Variants in DVL3 observed in about 807,000 individuals in gnomAD.
DVL3 encodes the protein dishevelled segment polarity protein 3.
DVL3 carries 27 observed loss-of-function variants against 67.4 expected under a neutral mutation model. That is an observed-to-expected ratio of 0.40 (90% confidence interval 0.30 to 0.55). The LOEUF is 0.55. Ranked by LOEUF, DVL3 falls within the 20% of genes least tolerant of loss-of-function variation. The probability of loss-of-function intolerance (pLI) is 0.46; values close to 1 mark genes in which losing one functional copy is unlikely to be tolerated. For synonymous variants in DVL3, 369 were observed against 396.8 expected (o/e 0.93, Z 0.83); for missense variants, 819 against 1,021.5 (o/e 0.80, Z 2.70).
Position 184,170,654 on chromosome 3 carries a change from G to A in DVL3, c.2050G>A (p.Gly684Ser), listed in dbSNP as rs923122337. ...CATGGGGCCCCCAGGAGCCCCTCCG[G>A]GCCGCGACCTGGCCTCAGTGCCCCC... ...AAMGPPGAPPGRDLASVPPEL... is the reference protein window; with the variant it reads ...AAMGPPGAPPSRDLASVPPEL... Residue 684 changes from glycine to serine, a missense_variant, in exon 15 of 15, where the codon GGC (glycine) becomes AGC (serine). Physicochemically the swap from Gly to Ser is moderately conservative, Grantham distance 56. Transcript: ENST00000313143. The surrounding 1 kb of genome is among the most constrained non-coding windows in gnomAD (Gnocchi z 6.5). 3 of 1,612,086 alleles carry A rather than the reference G, an allele frequency of 1.9e-6. No individual in the cohort carries two copies. In the South Asian group the frequency reaches 3.3e-5, roughly 18 times the overall value.
In DVL3 at chr3:184,168,883, C is replaced by A. The variant is rs937693002; in HGVS notation, c.1498+818C>A. Among the ~76,000 whole-genome samples, 4 of 152,222 alleles carry A rather than the reference C, an allele frequency of 2.6e-5. No homozygotes were observed. In the East Asian group the frequency reaches 7.7e-4, roughly 29 times the overall value. ...CTTGCCATTAAGGAATGTATAATTTCCCCGGGGGCGCCAGGATCGTGAGAT... is the reference window on the plus strand; with the variant it reads ...CTTGCCATTAAGGAATGTATAATTTACCCGGGGGCGCCAGGATCGTGAGAT... On this transcript the variant is annotated intron_variant, in intron 13 of 14. Coordinates refer to ENST00000313143, the MANE Select transcript of DVL3 (RefSeq NM_004423.4).
At position 184,166,932 on chromosome 3, in the gene DVL3, C is replaced by G; in HGVS notation, c.1155C>G (p.Thr385=). 3.1e-6 allele frequency: 5 copies of G among 1,614,206 alleles called. No homozygotes were observed. Among genetic ancestry groups the G allele is most frequent in the Non-Finnish European group, 4.2e-6 (5 of 1,180,036 alleles). Residue 385 remains threonine, a synonymous_variant, in exon 11 of 15, where the codon ACC becomes ACG. Transcript: ENST00000313143. The surrounding 1 kb of genome is among the most constrained non-coding windows in gnomAD (Gnocchi z 6.7). ...YGMSPSLSTI[T]STSSSITSSI... is the part of the protein sequence containing the mutation. ...TGAGCCCCTCCCTGAGCACCATCAC[C>G]TCCACCAGCTCCTCCATCACCAGTT... is the stretch of plus-strand genomic sequence containing the variant.
intron 1 of DVL3, among the ~76,000 whole-genome samples, chr3:184,160,532 A>ATG (rs1425117224): frequency 8.4e-6 from 1 of 119,432 alleles, no homozygotes; most frequent in Non-Finnish European, 1.9e-5. Context: ...CATTTGGGGT[A>ATG]TGAGTGTGTG....
Position 184,165,134 on chromosome 3 carries a change from G to C in DVL3, c.621G>C (p.Gln207His), listed in dbSNP as rs777501859. 1.5e-5 allele frequency: 24 copies of C among 1,613,528 alleles called. No individual in the cohort carries two copies. In the East Asian group the frequency reaches 4.0e-4, roughly 27 times the overall value. ...ACAGGTTCAGCAGCTCCACAGAACA[G>C]AGCAGTGCCTCACGCCTGATGAGAA... is the stretch of plus-strand genomic sequence containing the variant. The part of the protein sequence containing the change: ...STSRFSSSTE[Q>H]SSASRLMRRH... Residue 207 changes from glutamine to histidine, a missense_variant, in exon 6 of 15, where the codon CAG becomes CAC. Gln to His is a conservative substitution (Grantham distance 24). Transcript: ENST00000313143. The surrounding 1 kb of genome is among the most constrained non-coding windows in gnomAD (Gnocchi z 4.1).
chr3:184,156,349 T>C (rs1008609163), intron 1 of DVL3: 4 of 456,404 alleles, frequency 8.8e-6, no homozygotes, highest in African/African-American at 8.0e-5. Context: ...GCAGATCTGA[T>C]GTTTATCTAG....
rs759205735 is a variant in DVL3 at position 184,171,239 on chromosome 3, C to CA, written c.*488dup. The CA allele has an allele frequency of 3.7e-4, 395 of 1,060,204 alleles. No homozygotes were observed. Among genetic ancestry groups the CA allele is most frequent in the Non-Finnish European group, 4.2e-4 (368 of 876,240 alleles). The allele number at this position is 1,060,204 out of a possible 1,614,324, so 65.7% of individuals were successfully genotyped here. A position where few individuals can be genotyped will look rare whatever the true frequency, so the allele number is the denominator to read the frequency against. On this transcript the variant is annotated 3_prime_UTR_variant, in exon 15 of 15. Transcript: ENST00000313143. ...TGACTTTACCCCACATTACTGAAACCAAAATATATTTGCTTCATCTGCCCC... is the reference window on the plus strand; with the variant it reads ...TGACTTTACCCCACATTACTGAAACCAAAAATATATTTGCTTCATCTGCCCC...
chr3:184,169,692 A>T (rs1015202198), intron 13 of DVL3, among the ~76,000 whole-genome samples: 8 of 152,194 alleles, frequency 5.3e-5, no homozygotes, highest in African/African-American at 1.9e-4. Context: ...CGTCTCAAAG[A>T]GTTTTGCCGC....
At position 184,165,177 on chromosome 3, in the gene DVL3, C is replaced by CGGA; in HGVS notation, c.665_667dup (p.Arg222dup). The CGGA allele has an allele frequency of 6.2e-7, 1 of 1,602,432 alleles. No homozygotes were observed. Among genetic ancestry groups the CGGA allele is most frequent in the Non-Finnish European group, 8.5e-7 (1 of 1,174,336 alleles). The stretch of plus-strand genomic sequence containing the variant: ...GATGAGAAGACACAAGCGGCGGCGG[C>CGGA]GGAAGCAGAAGGTTTCTCGGATTGA... On this transcript the variant is annotated inframe_insertion, in exon 6 of 15. Coordinates refer to ENST00000313143, the MANE Select transcript of DVL3 (RefSeq NM_004423.4). The surrounding 1 kb of genome is among the most constrained non-coding windows in gnomAD (Gnocchi z 4.1).
chr3:184,164,279 G>A lies in DVL3; in HGVS notation c.244G>A (p.Glu82Lys). ...GRVVSWLVSAEGSHPDPAPFC... is the reference protein window; with the variant it reads ...GRVVSWLVSAKGSHPDPAPFC... ...TTCTCCCTTTCAGCTGGTGTCAGCT[G>A]AGGGCTCACACCCAGACCCAGCCCC... Residue 82 changes from glutamate (E) to lysine (K), a missense_variant, in exon 3 of 15, where the codon GAG becomes AAG. Glu to Lys is a moderately conservative substitution (Grantham distance 56, BLOSUM62 1). Around this residue, in one of 3 missense-constraint regions of DVL3, gnomAD observed 385 missense variants for 486.8 expected, o/e 0.79. Coordinates refer to ENST00000313143, the MANE Select transcript of DVL3 (RefSeq NM_004423.4). This position sits in a 1 kb window ranked among gnomAD's most constrained non-coding sequence, Gnocchi z 5.3. The A allele has an allele frequency of 6.2e-7, 1 of 1,614,012 alleles. No individual in the cohort carries two copies. The highest frequency in any genetic ancestry group is 8.5e-7 in the Non-Finnish European group (1 of 1,179,946).
Position 184,165,978 on chromosome 3 carries a change from T to C in DVL3, c.764-148T>C. 1.0e-6 allele frequency: 1 copy of C among 953,238 alleles called. No homozygotes were observed. The highest frequency in any genetic ancestry group is 1.7e-5 in the African/African-American group (1 of 60,530). 59.0% of individuals were successfully genotyped at this position (953,238 alleles called of 1,614,324 possible). On this transcript the variant is annotated intron_variant, in intron 7 of 14. Transcript: ENST00000313143. This position sits in a 1 kb window ranked among gnomAD's most constrained non-coding sequence, Gnocchi z 4.1. ...TACCTTATAGCCAGCAAGGGTTCCA[T>C]GGAAGCATGTTTGAGCATGCTGAGT...
In DVL3 at chr3:184,167,014, G is replaced by C. The variant is rs770860212; in HGVS notation, c.1198+39G>C. ...CCTGTCTCCTGGGCCCAGCAGACAGGGCCAGGTGGGGGGACTGATGAGGGT... is the reference window on the plus strand; with the variant it reads ...CCTGTCTCCTGGGCCCAGCAGACAGCGCCAGGTGGGGGGACTGATGAGGGT... On this transcript the variant is annotated intron_variant, in intron 11 of 14. Coordinates refer to ENST00000313143, the MANE Select transcript of DVL3 (RefSeq NM_004423.4). This position sits in a 1 kb window ranked among gnomAD's most constrained non-coding sequence, Gnocchi z 4.6. 30 of 1,607,820 alleles carry C rather than the reference G, an allele frequency of 1.9e-5. No homozygotes were observed. In the Admixed American group the frequency reaches 5.0e-4, roughly 27 times the overall value.
chr3:184,170,023 C>T lies in DVL3; in HGVS notation c.1516C>T (p.Leu506Phe), dbSNP rs1577052366. 1.2e-6 allele frequency: 2 copies of T among 1,609,316 alleles called. No individual in the cohort carries two copies. The highest frequency in any genetic ancestry group is 1.7e-6 in the Non-Finnish European group (2 of 1,176,808). ...CTTCACAGACATGGCCAACCTGTCTCTCCACGATCACGATGGCTCCAGTGG... is the reference window on the plus strand; with the variant it reads ...CTTCACAGACATGGCCAACCTGTCTTTCCACGATCACGATGGCTCCAGTGG... ...DLCGNMANLS[L>F]HDHDGSSGAS... Residue 506 changes from leucine (L) to phenylalanine (F), a missense_variant, in exon 14 of 15, where the codon CTC becomes TTC. Coordinates refer to ENST00000313143, the MANE Select transcript of DVL3 (RefSeq NM_004423.4). This position sits in a 1 kb window ranked among gnomAD's most constrained non-coding sequence, Gnocchi z 6.5.
In DVL3 at chr3:184,165,529, T is replaced by C. The variant is rs1302532707; in HGVS notation, c.763+38T>C. 1.3e-6 allele frequency: 2 copies of C among 1,576,380 alleles called. No homozygotes were observed. The highest frequency in any genetic ancestry group is 1.3e-5 in the African/African-American group (1 of 74,106). On this transcript the variant is annotated intron_variant, in intron 7 of 14. Transcript: ENST00000313143. The surrounding 1 kb of genome is among the most constrained non-coding windows in gnomAD (Gnocchi z 4.1). ...AAACAGCACTCTCAAGCACCTGCTA[T>C]ATGCCAGACACTGGGCAGACTTGAG... is the stretch of plus-strand genomic sequence containing the variant.
rs1406908441 is a variant in DVL3 at position 184,171,445 on chromosome 3, C to T, written c.*690C>T. ...TGCTCTACCCCTGCCCCATGCCTGCCCTGCGTGCTGGTTCCTTCAGACCCC... is the reference window on the plus strand; with the variant it reads ...TGCTCTACCCCTGCCCCATGCCTGCTCTGCGTGCTGGTTCCTTCAGACCCC... On this transcript the variant is annotated 3_prime_UTR_variant, in exon 15 of 15. Transcript: ENST00000313143. 1 of 987,812 alleles carries T rather than the reference C, an allele frequency of 1.0e-6. No homozygotes were observed. The highest frequency in any genetic ancestry group is 1.7e-5 in the African/African-American group (1 of 57,254). 61.2% of individuals were successfully genotyped at this position (987,812 alleles called of 1,614,324 possible).
At chr3:184,162,097 G>A (rs1446898821) in intron 1 of DVL3, among the ~76,000 whole-genome samples, 2 of 151,862 alleles carry the variant, frequency 1.3e-5, no homozygotes, top group African/African-American at 4.8e-5. Context: ...TAGCATTGTT[G>A]TATTAAATGA....
At position 184,166,884 on chromosome 3, in the gene DVL3, C is replaced by G. The variant is rs760741999; in HGVS notation, c.1107C>G (p.Thr369=). 3 of 1,614,126 alleles carry G rather than the reference C, an allele frequency of 1.9e-6. No homozygotes were observed. The highest frequency in any genetic ancestry group is 2.5e-6 in the Non-Finnish European group (3 of 1,180,012). ...AAWVSHTAAM[T]GTFPAYGMSP... is the part of the protein sequence containing the mutation. ...GGGTCTCCCACACTGCAGCCATGAC[C>G]GGCACCTTCCCTGCATACGGCATGA... Residue 369 remains threonine, a synonymous_variant, in exon 11 of 15, where the codon ACC becomes ACG. Coordinates refer to ENST00000313143, the MANE Select transcript of DVL3 (RefSeq NM_004423.4). This position sits in a 1 kb window ranked among gnomAD's most constrained non-coding sequence, Gnocchi z 6.7.
rs941350966 is a variant in DVL3 at position 184,171,982 on chromosome 3, C to G, written c.*1227C>G. On this transcript the variant is annotated 3_prime_UTR_variant, in exon 15 of 15. Coordinates refer to ENST00000313143, the MANE Select transcript of DVL3 (RefSeq NM_004423.4). ...CCTCTCCTAGGTTGTGGGGCTGGTC[C>G]CCTGACACCCTTCTCCCCTTCCTGG... is the stretch of plus-strand genomic sequence containing the variant. 1 of 152,938 alleles carries G rather than the reference C, an allele frequency of 6.5e-6. No homozygotes were observed. The highest frequency in any genetic ancestry group is 2.4e-5 in the African/African-American group (1 of 41,458). 9.5% of individuals were successfully genotyped at this position (152,938 alleles called of 1,614,324 possible).
Position 184,155,409 on chromosome 3 carries a change from G to T in DVL3, c.-227G>T. On this transcript the variant is annotated 5_prime_UTR_variant, in exon 1 of 15. Coordinates refer to ENST00000313143, the MANE Select transcript of DVL3 (RefSeq NM_004423.4). This position sits in a 1 kb window ranked among gnomAD's most constrained non-coding sequence, Gnocchi z 5.4. The stretch of plus-strand genomic sequence containing the variant: ...GAGGGCCGCGGCCACCGGAAGAGTC[G>T]CGGTCGCCAGTCCAGTCGGGAGAGT... 6.5e-6 allele frequency: 1 copy of T among 153,032 alleles called. No homozygotes were observed. Among genetic ancestry groups the T allele is most frequent in the South Asian group, 1.8e-4 (1 of 5,492 alleles). The allele number at this position is 153,032 out of a possible 1,614,324, so 9.5% of individuals were successfully genotyped here.
rs1714480965 is a variant in DVL3 at position 184,164,238 on chromosome 3, A to G, written c.232-29A>G. The G allele has an allele frequency of 1.2e-6, 2 of 1,611,392 alleles. No individual in the cohort carries two copies. Among genetic ancestry groups the G allele is most frequent in the South Asian group, 1.1e-5 (1 of 90,776 alleles). ...CCCTTCTCCTTGATGCTCCTGTAAC[A>G]TACTACTCACTCAGTTTCTCCCTTT... is the stretch of plus-strand genomic sequence containing the variant. On this transcript the variant is annotated intron_variant, in intron 2 of 14. Coordinates refer to ENST00000313143, the MANE Select transcript of DVL3 (RefSeq NM_004423.4). The surrounding 1 kb of genome is among the most constrained non-coding windows in gnomAD (Gnocchi z 5.3).
Sources: allele counts gnomAD v4.1 joint callset (sites outside exome capture counted in the v4.1 genomes callset), GRCh38; gene constraint gnomAD v4.1.1; regional missense constraint gnomAD v4.1.1; non-coding constraint Gnocchi (gnomAD v3.1); transcripts MANE v1.5; gene names NCBI Gene and HGNC (gene_info 2026-07-23, HGNC 2026-07-21).